Variants in SMARCA2 observed in about 807,000 individuals in gnomAD.
SMARCA2 encodes the protein SWI/SNF related BAF chromatin remodeling complex subunit ATPase 2, also known as SWI/SNF-related matrix-associated actin-dependent regulator of chromatin subfamily A member 2.
A neutral mutation model predicts 199.8 loss-of-function variants in SMARCA2; 61 were observed. That is an observed-to-expected ratio of 0.31 (90% CI 0.25 to 0.38). The LOEUF (loss-of-function observed/expected upper bound fraction) is 0.38, where lower values mean the gene tolerates loss of function less well. Ranked by LOEUF, SMARCA2 falls within the 10% of genes least tolerant of loss-of-function variation. SMARCA2 has a pLI of 1.00. For synonymous variants in SMARCA2, 935 were observed against 732.0 expected (o/e 1.28, Z -4.48); for missense variants, 1,344 against 2,012.2 (o/e 0.67, Z 6.35).
At chr9:2,041,110 G>C in intron 4 of SMARCA2, 1 of 358,624 alleles carries the variant, frequency 2.8e-6, no homozygotes, top group Non-Finnish European at 5.0e-6. Flanking sequence ...TATACCATGG[G>C]AGAGAGTTCA....
intron 3 of SMARCA2, among the ~76,000 whole-genome samples, chr9:2,038,718 T>A (rs1026044381): frequency 7.9e-5 from 12 of 152,142 alleles, no homozygotes; most frequent in African/African-American, 2.9e-4. Context: ...CATACCCCTA[T>A]TAGTGTCCCC....
At chr9:2,028,126 T>TTCAC (rs1352366004) in intron 1 of SMARCA2, among the ~76,000 whole-genome samples, 2 of 152,134 alleles carry the variant, frequency 1.3e-5, no homozygotes, top group Admixed American at 1.3e-4. Flanking sequence ...CCAGTAGTCA[T>TTCAC]GGATGACTTC....
chr9:2,054,792 T>G, intron 6 of SMARCA2, 69 bp downstream of exon 6: 1 of 1,528,078 alleles, frequency 6.5e-7, no homozygotes, highest in East Asian at 2.3e-5. Flanking sequence ...GTGTTATCTG[T>G]GTTGCCTTTA....
At chr9:2,067,062 T>C (rs1035030432) in intron 9 of SMARCA2, among the ~76,000 whole-genome samples, 8 of 152,204 alleles carry the variant, frequency 5.3e-5, no homozygotes, top group African/African-American at 1.9e-4. Flanking sequence ...TGATATCTCT[T>C]GTCATAGAGT....
intron 1 of SMARCA2, among the ~76,000 whole-genome samples, chr9:2,018,359 T>C (rs1818455228): frequency 6.6e-6 from 1 of 152,082 alleles, no homozygotes; most frequent in South Asian, 2.1e-4. Context: ...GTTGTCTCTT[T>C]TTTTTCCTCC....
At chr9:2,102,250 A>G (rs1822553978) in intron 22 of SMARCA2, among the ~76,000 whole-genome samples, 1 of 151,962 alleles carries the variant, frequency 6.6e-6, no homozygotes, top group Non-Finnish European at 1.5e-5. Context: ...CTGGGCTAAG[A>G]ACCAGGAACT....
rs530651483 is a variant in SMARCA2, at chr9:2,016,158, G to C, written c.-37+754G>C. ...CCGCGGGGCCGGTGCGTGCCTGATC[G>C]GAGGTGTCACCTCCACTTTCCGCGT... On this transcript the variant is annotated intron_variant, in intron 1 of 33. Coordinates refer to ENST00000349721, the MANE Select transcript of SMARCA2 (RefSeq NM_003070.5). This position sits in a 1 kb window ranked among gnomAD's most constrained non-coding sequence, Gnocchi z 5.6. 2.6e-5 allele frequency: 4 copies of C among 152,516 alleles called. No individual in the cohort carries two copies. The South Asian group carries it at 8.3e-4, about 32-fold the overall frequency. 9.4% of individuals were successfully genotyped at this position (152,516 alleles called of 1,614,324 possible). A position where few individuals can be genotyped will look rare whatever the true frequency, so the allele number is the denominator to read the frequency against.
rs548358328 is a variant in SMARCA2, at chr9:2,054,442, A to C, written c.1047-155A>C. ...CAAAGGTAGCTTTTCTCTGCTTAAC[A>C]TCAAAAATTCTAGTTGGGTGTTAGA... On this transcript the variant is annotated intron_variant, in intron 5 of 33. Transcript: ENST00000349721. Among the ~76,000 whole-genome samples, 282 of 152,398 alleles carry C rather than the reference A, an allele frequency of 1.9e-3. 1 individual carries two copies. The highest frequency in any genetic ancestry group is 3.4e-3 in the Non-Finnish European group (232 of 68,040).
intron 27 of SMARCA2, chr9:2,157,790 G>A (rs760367411): frequency 4.0e-5 from 16 of 397,436 alleles, no homozygotes; most frequent in East Asian, 3.6e-4. Flanking sequence ...TTGTGATACT[G>A]TGAACCACGC....
chr9:2,098,312 T>G (rs1035828266), intron 21 of SMARCA2, among the ~76,000 whole-genome samples: 2 of 152,236 alleles, frequency 1.3e-5, no homozygotes, highest in African/African-American at 4.8e-5. Flanking sequence ...TAGAAACTTC[T>G]GGAAAGTTAA....
At chr9:2,080,600 CTCTATCT>C (rs1287320448) in intron 14 of SMARCA2, among the ~76,000 whole-genome samples, 1 of 152,184 alleles carries the variant, frequency 6.6e-6, no homozygotes, top group South Asian at 2.1e-4. Context: ...CCCTCTTTCC[CTCTATCT>C]TTTGCCCATT....
At chr9:2,025,305 A>G (rs979725628) in intron 1 of SMARCA2, among the ~76,000 whole-genome samples, 1 of 152,152 alleles carries the variant, frequency 6.6e-6, no homozygotes, top group African/African-American at 2.4e-5. Flanking sequence ...GGTGGGGACC[A>G]GCAATGCATG....
At chr9:2,075,311 G>T (rs1206684581) in intron 12 of SMARCA2, 2 of 152,284 alleles carry the variant, frequency 1.3e-5, no homozygotes, top group Non-Finnish European at 1.5e-5. Context: ...TCATTTAAGA[G>T]TTATGGAAAA....
intron 27 of SMARCA2, among the ~76,000 whole-genome samples, chr9:2,138,915 C>T (rs78485260): frequency 2.4e-3 from 360 of 152,262 alleles, no homozygotes; most frequent in African/African-American, 8.4e-3. Flanking sequence ...AGAGATTTTT[C>T]TCCCTGTTCT....
In SMARCA2 at chr9:2,123,427, T is replaced by C. The variant is rs1177785964; in HGVS notation, c.3763-292T>C. 6.6e-6 allele frequency among the ~76,000 whole-genome samples: 1 copy of C among 152,228 alleles called. No individual in the cohort carries two copies. Among genetic ancestry groups the C allele is most frequent in the Non-Finnish European group, 1.5e-5 (1 of 68,046 alleles). ...AATTTGAATTTTTCCACTATTACTT[T>C]AAAGAGGGAGCTTTGCATACACACA... On this transcript the variant is annotated intron_variant, in intron 26 of 33. Transcript: ENST00000349721. This position sits in a 1 kb window ranked among gnomAD's most constrained non-coding sequence, Gnocchi z 4.1.
intron 26 of SMARCA2, among the ~76,000 whole-genome samples, chr9:2,120,961 A>C (rs555252927): frequency 6.6e-6 from 1 of 152,328 alleles, no homozygotes; most frequent in South Asian, 2.1e-4. Flanking sequence ...TCAGAAATAG[A>C]CATCCCCTCT....
At chr9:2,174,352 GAT>G (rs1050933096) in intron 29 of SMARCA2, among the ~76,000 whole-genome samples, 1 of 152,108 alleles carries the variant, frequency 6.6e-6, no homozygotes, top group Middle Eastern at 3.2e-3. Context: ...CAGTTATTTG[GAT>G]ATATATATGT....
At chr9:2,145,446 G>A (rs938608368) in intron 27 of SMARCA2, among the ~76,000 whole-genome samples, 1 of 152,112 alleles carries the variant, frequency 6.6e-6, no homozygotes, top group African/African-American at 2.4e-5. Flanking sequence ...AAAGCTTTTG[G>A]CAATTTTTTT....
At chr9:2,128,155 T>G (rs967229949) in intron 27 of SMARCA2, among the ~76,000 whole-genome samples, 2 of 152,166 alleles carry the variant, frequency 1.3e-5, no homozygotes, top group Non-Finnish European at 2.9e-5. Context: ...AGATGGCATC[T>G]GGATAAAGAC....
Sources: allele counts gnomAD v4.1 joint callset (sites outside exome capture counted in the v4.1 genomes callset), GRCh38; gene constraint gnomAD v4.1.1; non-coding constraint Gnocchi (gnomAD v3.1); transcripts MANE v1.5; gene names NCBI Gene and HGNC (gene_info 2026-07-23, HGNC 2026-07-21).